The following RBFOX1 variants were observed in gnomAD, a reference collection of about 807,000 sequenced individuals.
The protein encoded by RBFOX1 is RNA binding fox-1 homolog 1, also known as RNA binding protein fox-1 homolog 1.
In RBFOX1, 8 loss-of-function variants were observed where a neutral mutation model predicts 57.7. The observed-to-expected ratio is 0.14, with a 90% confidence interval of 0.08 to 0.25. The LOEUF is 0.25. Among genes scored for constraint, RBFOX1 ranks in the 10% least tolerant of loss-of-function variants. The pLI, the probability that RBFOX1 is intolerant of heterozygous loss-of-function variation, is 1.00. For missense variants in RBFOX1, 611 were observed against 548.5 expected (o/e 1.11, Z -1.14); for synonymous variants, 326 against 222.4 (o/e 1.47, Z -4.15).
intron 1 of RBFOX1, among the ~76,000 whole-genome samples, chr16:5,293,570 C>A (rs2063586900): frequency 6.6e-6 from 1 of 152,134 alleles, no homozygotes; most frequent in East Asian, 1.9e-4. Context: ...TAGTAGGCAC[C>A]AATACTTCCA....
chr16:7,005,046 A>G (rs948487460), intron 3 of RBFOX1, among the ~76,000 whole-genome samples: 6 of 152,316 alleles, frequency 3.9e-5, no homozygotes, highest in African/African-American at 1.2e-4. Flanking sequence ...TGGGAGGCTG[A>G]GGCAGGAGCA....
chr16:5,470,195 C>A (rs886385989), intron 2 of RBFOX1, among the ~76,000 whole-genome samples: 6 of 152,228 alleles, frequency 3.9e-5, no homozygotes, highest in Non-Finnish European at 8.8e-5. Flanking sequence ...CGTGTTTCCA[C>A]CCACCATGCT....
At chr16:6,324,593 C>T (rs989594304) in intron 2 of RBFOX1, among the ~76,000 whole-genome samples, 1 of 152,166 alleles carries the variant, frequency 6.6e-6, no homozygotes, top group African/African-American at 2.4e-5. Flanking sequence ...TCATTCATTG[C>T]TGCAAGGACA....
At chr16:5,758,807 T>G (rs1213396987) in intron 3 of RBFOX1, among the ~76,000 whole-genome samples, 2 of 152,132 alleles carry the variant, frequency 1.3e-5, no homozygotes, top group Non-Finnish European at 2.9e-5. Context: ...TGAATGCACA[T>G]CTAGGGAATG....
intron 4 of RBFOX1, among the ~76,000 whole-genome samples, chr16:6,003,152 G>A (rs1441452356): frequency 2.0e-5 from 3 of 152,088 alleles, no homozygotes; most frequent in Non-Finnish European, 2.9e-5. Context: ...GGTGGCGGGC[G>A]GTTGTAGTCC....
intron 3 of RBFOX1, among the ~76,000 whole-genome samples, chr16:5,697,252 C>T (rs536001944): frequency 6.6e-5 from 10 of 152,102 alleles, no homozygotes; most frequent in South Asian, 2.1e-4. Context: ...ATGGTGTTCA[C>T]GTCATTTGTC....
rs542130482 is a variant in RBFOX1, at chr16:6,846,270, G to A, written c.-16+191620G>A. Among the ~76,000 whole-genome samples, 13 of 152,236 alleles carry A rather than the reference G, an allele frequency of 8.5e-5. No individual in the cohort carries two copies. The East Asian group carries it at 1.7e-3, about 20-fold the overall frequency. ...CACCTCCTATTACGTGAATTGGCCC[G>A]AAGATCCCCAATTCCGTGTCATCAA... On this transcript the variant is annotated intron_variant, in intron 3 of 15. Transcript: ENST00000550418.
intron 3 of RBFOX1, among the ~76,000 whole-genome samples, chr16:5,858,036 C>T (rs868412192): frequency 1.3e-5 from 2 of 152,084 alleles, no homozygotes; most frequent in African/African-American, 4.8e-5. Context: ...CTTCCACAAG[C>T]AGAGGTATGA....
At chr16:6,437,181 G>A (rs186397081) in intron 2 of RBFOX1, among the ~76,000 whole-genome samples, 42 of 152,296 alleles carry the variant, frequency 2.8e-4, no homozygotes, top group Admixed American at 2.0e-3. Flanking sequence ...GTCAGTGAAC[G>A]AAGGGGCTGT....
At chr16:6,943,972 G>A (rs1241971626) in intron 3 of RBFOX1, among the ~76,000 whole-genome samples, 1 of 152,104 alleles carries the variant, frequency 6.6e-6, no homozygotes, top group Non-Finnish European at 1.5e-5. Flanking sequence ...TCTGGGGGCT[G>A]CCCAACTCAC....
intron 3 of RBFOX1, among the ~76,000 whole-genome samples, chr16:6,662,891 G>T (rs1187681168): frequency 6.6e-6 from 1 of 152,100 alleles, no homozygotes; most frequent in Non-Finnish European, 1.5e-5. Flanking sequence ...CCATAGACTC[G>T]TAAAACATTT....
chr16:7,165,466 G>T (rs1332097602), intron 4 of RBFOX1, among the ~76,000 whole-genome samples: 1 of 150,582 alleles, frequency 6.6e-6, no homozygotes, highest in Admixed American at 6.6e-5. Context: ...TTTCGCTCTT[G>T]TTCCCCAGGC....
chr16:7,603,265 A>C (rs1046482397), intron 9 of RBFOX1, among the ~76,000 whole-genome samples: 8 of 152,218 alleles, frequency 5.3e-5, no homozygotes, highest in Non-Finnish European at 1.2e-4. Context: ...CTATTAGGAA[A>C]AACTATATTC....
chr16:7,429,957 C>G (rs1256770605), intron 4 of RBFOX1, among the ~76,000 whole-genome samples: 1 of 152,138 alleles, frequency 6.6e-6, no homozygotes, highest in Admixed American at 6.5e-5. Flanking sequence ...GTTGCATTGA[C>G]CTACTTACTT....
At chr16:6,076,087 T>G (rs2095895283) in intron 1 of RBFOX1, among the ~76,000 whole-genome samples, 1 of 152,044 alleles carries the variant, frequency 6.6e-6, no homozygotes, top group South Asian at 2.1e-4. Flanking sequence ...TCACCTGAGT[T>G]TGGGGGTTCA....
chr16:5,729,155 G>T (rs1360413809), intron 3 of RBFOX1, among the ~76,000 whole-genome samples: 2 of 152,174 alleles, frequency 1.3e-5, no homozygotes, highest in African/African-American at 4.8e-5. Flanking sequence ...ACCTAATTCT[G>T]TCACTTACAA....
intron 4 of RBFOX1, among the ~76,000 whole-genome samples, chr16:7,162,390 T>C (rs891116023): frequency 6.6e-6 from 1 of 152,064 alleles, no homozygotes; most frequent in African/African-American, 2.4e-5. Context: ...AAATATAATT[T>C]AGCAAATTTT....
chr16:7,630,582 A>T, intron 10 of RBFOX1, 21 bp from the exon 11 acceptor site: 1 of 1,609,850 alleles, frequency 6.2e-7, no homozygotes, highest in Non-Finnish European at 8.5e-7. Flanking sequence ...ACCAGATACC[A>T]TCTCTCTCTC....
chr16:7,672,069 A>T (rs1162273915), intron 13 of RBFOX1, among the ~76,000 whole-genome samples: 1 of 152,196 alleles, frequency 6.6e-6, no homozygotes, highest in Non-Finnish European at 1.5e-5. Context: ...TCTCATGTGC[A>T]ACATTAAGGG....
Sources: allele counts gnomAD v4.1 joint callset (sites outside exome capture counted in the v4.1 genomes callset), GRCh38; gene constraint gnomAD v4.1.1; transcripts MANE v1.5; gene names NCBI Gene and HGNC (gene_info 2026-07-23, HGNC 2026-07-21).